UPK1A: variants seen among roughly 807,000 people sequenced by gnomAD.
The protein encoded by UPK1A is uroplakin 1A, also known as uroplakin-1a.
UPK1A carries 31 observed loss-of-function variants against 32.3 expected under a neutral mutation model. That is an observed-to-expected ratio of 0.96 (90% CI 0.72 to 1.30). The LOEUF (loss-of-function observed/expected upper bound fraction) is 1.30, where lower values mean the gene tolerates loss of function less well. UPK1A is among the 50% of genes most tolerant of loss of function. The probability of loss-of-function intolerance (pLI) is 0.00; values close to 1 mark genes in which losing one functional copy is unlikely to be tolerated. For synonymous variants in UPK1A, 135 were observed against 137.1 expected (o/e 0.98, Z 0.11); for missense variants, 340 against 357.4 (o/e 0.95, Z 0.39).
rs148350758 is a variant in UPK1A, at chr19:35,675,915, G to A, written c.544G>A (p.Val182Met). 4.3e-5 allele frequency: 69 copies of A among 1,613,888 alleles called. No individual in the cohort carries two copies. In the African/African-American group the frequency reaches 7.7e-4, roughly 18 times the overall value. ...AGCCTTCCGGGCGGCCACTCCGGAG[G>A]TGGTGTTCCCCTGGCCCCCACTGTG... The change falls in exon 6 of 8, where the codon GTG becomes ATG. Residue 182 changes from valine (V) to methionine (M), a missense_variant. Physicochemically the swap from Val to Met is conservative, Grantham distance 21. Coordinates refer to ENST00000617999, the Ensembl canonical transcript of UPK1A.
At chr19:35,672,642 G>T (rs565173890) in intron 3 of UPK1A, among the ~76,000 whole-genome samples, 1 of 152,196 alleles carries the variant, frequency 6.6e-6, no homozygotes, top group Non-Finnish European at 1.5e-5. Flanking sequence ...ATCATAGCTC[G>T]CTGAGGCCTC....
intron 6 of UPK1A, 51 bp from the exon 7 acceptor site, chr19:35,677,761 G>C (rs10413852): frequency 0.18 from 286,574 of 1,605,336 alleles, 26,979 homozygotes; most frequent in Middle Eastern, 0.26. Context: ...CTCGCTTTCA[G>C]CGGCTACCCT....
At chr19:35,676,320 A>G in intron 6 of UPK1A, 1 of 540,482 alleles carries the variant, frequency 1.9e-6, no homozygotes, top group South Asian at 1.7e-5. Context: ...CTTCCAGAGC[A>G]GCTGGGATTA....
chr19:35,675,807 C>A, intron 5 of UPK1A, 33 bp from the exon 6 acceptor site: 1 of 1,577,270 alleles, frequency 6.3e-7, no homozygotes, highest in Non-Finnish European at 8.6e-7. Context: ...TCTCTGAGCC[C>A]GAGCCTGCCT....
chr19:35,677,841 C>T (rs763578671), exon 7 of UPK1A: 8 of 1,612,220 alleles, frequency 5.0e-6, no homozygotes, highest in African/African-American at 1.3e-5. Context: ...GCCACGCCAT[C>T]GACAGCTACA....
rs1394710481 is a variant in UPK1A at position 35,673,570 on chromosome 19, G to A, written c.468+25G>A. On this transcript the variant is annotated intron_variant, in intron 5 of 7. Transcript: ENST00000617999. ...GGTGGGCGGGGTGGACCGGGTGCTG[G>A]GAGGGCCCTGGGCTCCGTCCACAGA... 3 of 1,606,682 alleles carry A rather than the reference G, an allele frequency of 1.9e-6. No homozygotes were observed. The African/African-American group carries it at 4.0e-5, about 21-fold the overall frequency.
chr19:35,677,699 GA>G, intron 6 of UPK1A, 112 bp from the exon 7 acceptor site: 6 of 1,376,236 alleles, frequency 4.4e-6, no homozygotes, highest in Non-Finnish European at 6.0e-6. Flanking sequence ...GCACAAGTGA[GA>G]AAACCAATGC....
rs1255185739 is a variant in UPK1A, at chr19:35,677,842, G to A, written c.679G>A (p.Asp227Asn). Residue 227 changes from aspartate to asparagine, a missense_variant, in exon 7 of 8, where the codon GAC becomes AAC. Transcript: ENST00000617999. ...CTTCGAACACATCGGCCACGCCATCGACAGCTACACGTGGGGTATCTCGTG... is the reference window on the plus strand; with the variant it reads ...CTTCGAACACATCGGCCACGCCATCAACAGCTACACGTGGGGTATCTCGTG... 4 of 1,611,946 alleles carry A rather than the reference G, an allele frequency of 2.5e-6. No individual in the cohort carries two copies. The highest frequency in any genetic ancestry group is 1.7e-5 in the Admixed American group (1 of 59,976).
rs761707956 is a variant in UPK1A at position 35,668,343 on chromosome 19, T to C, written c.85-111T>C. The C allele has an allele frequency of 5.3e-6, 7 of 1,309,668 alleles. 1 individual carries two copies. In the African/African-American group the frequency reaches 1.0e-4, roughly 19 times the overall value. 81.1% of individuals were successfully genotyped at this position (1,309,668 alleles called of 1,614,324 possible). A position where few individuals can be genotyped will look rare whatever the true frequency, so the allele number is the denominator to read the frequency against. On this transcript the variant is annotated intron_variant, in intron 2 of 7. Coordinates refer to ENST00000617999, the Ensembl canonical transcript of UPK1A. ...TGGAAGGCGAGGTCTTTGCCCACTT[T>C]ACTGAGAGGGCAGTGGAGGCTCCAA...
chr19:35,677,756 T>C lies in UPK1A; in HGVS notation c.649-56T>C, dbSNP rs1599634035. 25 of 1,604,892 alleles carry C rather than the reference T, an allele frequency of 1.6e-5. No homozygotes were observed. In the East Asian group the frequency reaches 5.6e-4, roughly 36 times the overall value. On this transcript the variant is annotated intron_variant, in intron 6 of 7. Coordinates refer to ENST00000617999, the Ensembl canonical transcript of UPK1A. The stretch of plus-strand genomic sequence containing the variant: ...CCCAAGGGCGCACAGTGACTCTCGC[T>C]TTCAGCGGCTACCCTCATGGGCGTC...
intron 3 of UPK1A, among the ~76,000 whole-genome samples, chr19:35,672,552 G>A (rs192018290): frequency 6.6e-6 from 1 of 151,988 alleles, no homozygotes; most frequent in Non-Finnish European, 1.5e-5. Context: ...ACAGGCGTAA[G>A]CCACTGCACC....
chr19:35,666,626 C>G (rs1968000754), intron 1 of UPK1A, 88 bp downstream of exon 1: 1 of 597,064 alleles, frequency 1.7e-6, no homozygotes, highest in Non-Finnish European at 3.0e-6. Flanking sequence ...CAGTGACTGC[C>G]CCACCGGAGC....
At chr19:35,677,294 G>A (rs975046829) in intron 6 of UPK1A, among the ~76,000 whole-genome samples, 21 of 151,638 alleles carry the variant, frequency 1.4e-4, no homozygotes, top group African/African-American at 4.8e-5. Context: ...TTGGGAGACC[G>A]AGATGGGAGG....
At chr19:35,678,456 C>CAATA (rs34716570) in exon 8 of UPK1A, 29,035 of 151,260 alleles carry the variant, frequency 0.19, 3,023 homozygotes, top group East Asian at 0.43. Context: ...ACTAGATAGT[C>CAATA]AATAAATAAA....
intron 5 of UPK1A, among the ~76,000 whole-genome samples, chr19:35,674,241 CT>C (rs35857173): frequency 0.057 from 5,650 of 99,010 alleles, 34 homozygotes; most frequent in Non-Finnish European, 0.075. Context: ...TTCTTTTTAT[CT>C]TTTTTTTTTT....
At chr19:35,673,169 TC>T (rs1968127372) in intron 3 of UPK1A, 62 bp from the exon 4 acceptor site, 1 of 1,554,766 alleles carries the variant, frequency 6.4e-7, no homozygotes, top group African/African-American at 1.4e-5. Flanking sequence ...CAGTGATGCT[TC>T]CCTGACGGGG....
intron 5 of UPK1A, 26 bp from the exon 6 acceptor site, chr19:35,675,814 G>A: frequency 6.3e-7 from 1 of 1,586,640 alleles, no homozygotes; most frequent in Non-Finnish European, 8.6e-7. Flanking sequence ...GCCCGAGCCT[G>A]CCTGACCCCC....
At chr19:35,675,950 G>A (rs62109999) in exon 6 of UPK1A, 1 of 1,613,944 alleles carries the variant, frequency 6.2e-7, no homozygotes, top group Admixed American at 1.7e-5. Context: ...GCTGTCGCCG[G>A]ACGGGAAACT....
intron 3 of UPK1A, among the ~76,000 whole-genome samples, chr19:35,669,822 G>A (rs894334080): frequency 3.9e-5 from 6 of 152,130 alleles, no homozygotes; most frequent in Admixed American, 3.3e-4. Context: ...TCCAATTCAC[G>A]GCCCCAATGA....
Sources: gnomAD v4.1 joint callset for allele counts (sites outside exome capture counted in the v4.1 genomes callset) on GRCh38, gnomAD v4.1.1 for gene constraint, MANE v1.5 for transcripts, NCBI Gene and HGNC (gene_info 2026-07-23, HGNC 2026-07-21) for gene names.